The following TAF1C variants were observed in gnomAD, a reference collection of about 807,000 sequenced individuals.
TAF1C encodes TATA box-binding protein-associated factor RNA polymerase I subunit C.
Under a neutral mutation model 70.5 loss-of-function variants are expected in TAF1C, and 79 were observed. The observed-to-expected ratio is 1.12, with a 90% CI of 0.93 to 1.35. The LOEUF (loss-of-function observed/expected upper bound fraction) is 1.35. Among genes scored for constraint, TAF1C ranks in the 40% most tolerant of loss-of-function variants. TAF1C has a pLI of 0.00. For missense variants in TAF1C, 1,412 were observed against 1,127.8 expected (o/e 1.25, Z -3.61); for synonymous variants, 614 against 491.1 (o/e 1.25, Z -3.31).
intron 12 of TAF1C, 166 bp downstream of exon 12, chr16:84,180,876 AC>A: frequency 7.0e-7 from 1 of 1,422,552 alleles, no homozygotes. Flanking sequence ...GCCTGTTAGC[AC>A]CGACTGTGGG....
chr16:84,182,302 C>A lies in TAF1C; in HGVS notation c.621G>T (p.Leu207=), dbSNP rs766131558. Residue 207 remains leucine (L), a synonymous_variant, in exon 7 of 15, where the codon CTG becomes CTT. Coordinates refer to ENST00000566732, the MANE Select transcript of TAF1C (RefSeq NM_001243156.2). The surrounding 1 kb of genome is among the most constrained non-coding windows in gnomAD (Gnocchi z 5.0). ...GCGCGCCCCCAGTGCAGGCCTCATC[C>A]AGAAGCAGCTGCTCCCACCGCAGCA... ...ELVLRWEQLL[L]DEACTGGALA... 1.2e-6 allele frequency: 2 copies of A among 1,612,852 alleles called. No individual in the cohort carries two copies. Among genetic ancestry groups the A allele is most frequent in the South Asian group, 2.2e-5 (2 of 91,064 alleles).
Position 84,178,884 on chromosome 16 carries a change from G to A in TAF1C, c.*57C>T, listed in dbSNP as rs1415191037. On this transcript the variant is annotated 3_prime_UTR_variant, in exon 15 of 15. Coordinates refer to ENST00000566732, the MANE Select transcript of TAF1C (RefSeq NM_001243156.2). ...GTTTCAACTGTGGAAGGCACATCTG[G>A]TCCCAGAGGAAGGATGAGGGGCTCT... 2.5e-5 allele frequency: 38 copies of A among 1,502,990 alleles called. No individual in the cohort carries two copies. The highest frequency in any genetic ancestry group is 3.1e-5 in the Non-Finnish European group (35 of 1,125,036). 93.1% of individuals were successfully genotyped at this position (1,502,990 alleles called of 1,614,324 possible).
Position 84,179,828 on chromosome 16 carries a change from A to G in TAF1C, c.1645T>C (p.Leu549=), listed in dbSNP as rs2230129. Reference sequence around the variant, plus strand: ...AGGCCTGGTGTGGGCGCTGAGGGCAAGGGCGGGACGACGGCAGCCAGACCT... The same window carrying G: ...AGGCCTGGTGTGGGCGCTGAGGGCAGGGGCGGGACGACGGCAGCCAGACCT... ...TIGLAAVVPP[L]PSAPTPGLVL... The change falls in exon 15 of 15, where the codon TTG becomes CTG. Residue 549 remains leucine (L), a synonymous_variant. Transcript: ENST00000566732. The G allele has an allele frequency of 1.9e-6, 3 of 1,606,802 alleles. No homozygotes were observed. The highest frequency in any genetic ancestry group is 1.1e-5 in the South Asian group (1 of 90,838).
At chr16:84,183,921 C>A in intron 2 of TAF1C, 143 bp from the exon 3 acceptor site, 1 of 618,224 alleles carries the variant, frequency 1.6e-6, no homozygotes, top group East Asian at 2.9e-5. Context: ...TGTCATTTTA[C>A]TGCTGAAGAA....
rs774406020 is a variant in TAF1C, at chr16:84,181,873, G to A, written c.839-10C>T. 8.1e-6 allele frequency: 13 copies of A among 1,614,194 alleles called. No individual in the cohort carries two copies. Among genetic ancestry groups the A allele is most frequent in the Middle Eastern group, 1.6e-4 (1 of 6,062 alleles). ...CGGACGGCCAGCAGAGCTGAGGAGGGATGGAAAGGGCCAGGGGTCAGGTAG... is the reference window on the plus strand; with the variant it reads ...CGGACGGCCAGCAGAGCTGAGGAGGAATGGAAAGGGCCAGGGGTCAGGTAG... On this transcript the variant is annotated splice_polypyrimidine_tract_variant and intron_variant, in intron 8 of 14. Transcript: ENST00000566732.
chr16:84,180,434 G>C (rs1168732651), intron 12 of TAF1C, 90 bp from the exon 13 acceptor site: 2 of 1,331,906 alleles, frequency 1.5e-6, no homozygotes, highest in Non-Finnish European at 2.0e-6. Context: ...CTCCAGGTGA[G>C]TGCAGAGCCC....
Position 84,179,153 on chromosome 16 carries a change from G to C in TAF1C, c.2320C>G (p.Pro774Ala), listed in dbSNP as rs757737958. The C allele has an allele frequency of 6.2e-7, 1 of 1,606,520 alleles. No homozygotes were observed. ...GGGACGCCCTGGGCGCATGCATCCG[G>C]AGTCAACTCCTGGGAGGGCGGGGTC... is the stretch of plus-strand genomic sequence containing the variant. The part of the protein sequence containing the change: ...PTTPPSQELT[P>A]DACAQGVPSE... The change falls in exon 15 of 15, where the codon CCG becomes GCG. Residue 774 changes from proline (P) to alanine (A), a missense_variant. Pro to Ala is a conservative substitution (Grantham distance 27, BLOSUM62 -1). Coordinates refer to ENST00000566732, the MANE Select transcript of TAF1C (RefSeq NM_001243156.2).
rs142759731 is a variant in TAF1C, at chr16:84,183,698, G to A, written c.219C>T (p.Ile73=). ...PGPLPMLPPL[I]DPWDPGLTAR... is the part of the protein sequence containing the mutation. ...AGCCCGGGGGAATGAGACCCTTACCGATGAGGGGAGGCAGCATGGGGAGAG... is the reference window on the plus strand; with the variant it reads ...AGCCCGGGGGAATGAGACCCTTACCAATGAGGGGAGGCAGCATGGGGAGAG... The change falls in exon 3 of 15, where the codon ATC becomes ATT. Residue 73 remains isoleucine (I), a splice_region_variant and synonymous_variant. Coordinates refer to ENST00000566732, the MANE Select transcript of TAF1C (RefSeq NM_001243156.2). 15 of 1,611,134 alleles carry A rather than the reference G, an allele frequency of 9.3e-6. No homozygotes were observed. Among genetic ancestry groups the A allele is most frequent in the East Asian group, 8.9e-5 (4 of 44,790 alleles).
In TAF1C at chr16:84,177,943, A is replaced by G; in HGVS notation, c.*998T>C. On this transcript the variant is annotated 3_prime_UTR_variant, in exon 15 of 15. Coordinates refer to ENST00000566732, the MANE Select transcript of TAF1C (RefSeq NM_001243156.2). The stretch of plus-strand genomic sequence containing the variant: ...ACGCGAGTCAGTGTATGATTGGGCT[A>G]GCTCCTGTTTGTGTGAGTCACATGC... 1.0e-6 allele frequency: 1 copy of G among 990,444 alleles called. No individual in the cohort carries two copies. Among genetic ancestry groups the G allele is most frequent in the South Asian group, 1.3e-5 (1 of 75,168 alleles). The allele number at this position is 990,444 out of a possible 1,614,324, so 61.4% of individuals were successfully genotyped here.
intron 12 of TAF1C, 127 bp from the exon 13 acceptor site, chr16:84,180,471 C>T: frequency 1.0e-6 from 1 of 961,720 alleles, no homozygotes; most frequent in Non-Finnish European, 1.5e-6. Context: ...CTCCCATCAG[C>T]CTCCACGTGC....
chr16:84,177,950 G>T lies in TAF1C; in HGVS notation c.*991C>A. ...TCAGTGTATGATTGGGCTAGCTCCTGTTTGTGTGAGTCACATGCAATTCCT... is the reference window on the plus strand; with the variant it reads ...TCAGTGTATGATTGGGCTAGCTCCTTTTTGTGTGAGTCACATGCAATTCCT... On this transcript the variant is annotated 3_prime_UTR_variant, in exon 15 of 15. Transcript: ENST00000566732. 1.1e-6 allele frequency: 1 copy of T among 899,886 alleles called. No homozygotes were observed. The highest frequency in any genetic ancestry group is 1.6e-5 in the African/African-American group (1 of 60,832). The allele number at this position is 899,886 out of a possible 1,614,324, so 55.7% of individuals were successfully genotyped here. A position where few individuals can be genotyped will look rare whatever the true frequency, so the allele number is the denominator to read the frequency against.
chr16:84,182,288 G>A lies in TAF1C; in HGVS notation c.635C>T (p.Thr212Ile), dbSNP rs761919462. The A allele has an allele frequency of 1.2e-6, 2 of 1,613,024 alleles. No individual in the cohort carries two copies. Among genetic ancestry groups the A allele is most frequent in the East Asian group, 2.2e-5 (1 of 44,878 alleles). The part of the protein sequence containing the change: ...WEQLLLDEAC[T>I]GGALAWVPGR... ...AGGAACCCAGGCCAGCGCGCCCCCAGTGCAGGCCTCATCCAGAAGCAGCTG... is the reference window on the plus strand; with the variant it reads ...AGGAACCCAGGCCAGCGCGCCCCCAATGCAGGCCTCATCCAGAAGCAGCTG... Residue 212 changes from threonine to isoleucine, a missense_variant, in exon 7 of 15, where the codon ACT (threonine) becomes ATT (isoleucine). By Grantham distance (89) the Thr-to-Ile change is moderately conservative. Transcript: ENST00000566732. The surrounding 1 kb of genome is among the most constrained non-coding windows in gnomAD (Gnocchi z 5.0).
In TAF1C at chr16:84,183,820, C is replaced by T. The variant is rs200987146; in HGVS notation, c.139-42G>A. On this transcript the variant is annotated intron_variant, in intron 2 of 14. Coordinates refer to ENST00000566732, the MANE Select transcript of TAF1C (RefSeq NM_001243156.2). ...CGCAAGGACAGTATCATGATGAATG[C>T]CCTCCCTGGGCCAGGCTGTGCACAG... The T allele has an allele frequency of 1.2e-4, 181 of 1,502,974 alleles. No homozygotes were observed. In the East Asian group the frequency reaches 3.9e-3, roughly 32 times the overall value. The allele number at this position is 1,502,974 out of a possible 1,614,324, so 93.1% of individuals were successfully genotyped here.
chr16:84,182,070 A>C lies in TAF1C; in HGVS notation c.722-12T>G. The stretch of plus-strand genomic sequence containing the variant: ...GACCTCTTGGAAATCTGGGCCTCTC[A>C]CTAAGGATCAGTGCACGAGCTATGA... On this transcript the variant is annotated splice_polypyrimidine_tract_variant and intron_variant, in intron 7 of 14. Coordinates refer to ENST00000566732, the MANE Select transcript of TAF1C (RefSeq NM_001243156.2). The surrounding 1 kb of genome is among the most constrained non-coding windows in gnomAD (Gnocchi z 5.0). 6.2e-7 allele frequency: 1 copy of C among 1,612,272 alleles called. No homozygotes were observed. The highest frequency in any genetic ancestry group is 8.5e-7 in the Non-Finnish European group (1 of 1,179,398).
Position 84,180,224 on chromosome 16 carries a change from G to C in TAF1C, c.1429C>G (p.Gln477Glu). The stretch of plus-strand genomic sequence containing the variant: ...CCCTGGCCTCCGAGGAGCAGGGGCT[G>C]CACGCAGCTGGGCCGGGGCGGAGGC... ...LLPPPRPSCV[Q>E]PLLLGGQGGQ... The change falls in exon 13 of 15, where the codon CAG (glutamine) becomes GAG (glutamate). Residue 477 changes from glutamine to glutamate, a missense_variant. Physicochemically the swap from Gln to Glu is conservative, Grantham distance 29. Transcript: ENST00000566732. 1 of 1,540,552 alleles carries C rather than the reference G, an allele frequency of 6.5e-7. No homozygotes were observed. Among genetic ancestry groups the C allele is most frequent in the Non-Finnish European group, 8.7e-7 (1 of 1,148,776 alleles).
rs111530580 is a variant in TAF1C at position 84,183,809 on chromosome 16, C to T, written c.139-31G>A. The T allele has an allele frequency of 8.5e-5, 133 of 1,557,700 alleles. No individual in the cohort carries two copies. The African/African-American group carries it at 1.5e-3, about 18-fold the overall frequency. ...GGGAGGACAATCGCAAGGACAGTAT[C>T]ATGATGAATGCCCTCCCTGGGCCAG... On this transcript the variant is annotated intron_variant, in intron 2 of 14. Transcript: ENST00000566732.
rs2089409643 is a variant in TAF1C, at chr16:84,185,065, G to C, written c.-72-5C>G. The C allele has an allele frequency of 1.3e-6, 2 of 1,527,722 alleles. No individual in the cohort carries two copies. Among genetic ancestry groups the C allele is most frequent in the Non-Finnish European group, 1.8e-6 (2 of 1,133,636 alleles). 94.6% of individuals were successfully genotyped at this position (1,527,722 alleles called of 1,614,324 possible). On this transcript the variant is annotated splice_polypyrimidine_tract_variant and splice_region_variant and intron_variant, in intron 1 of 14. Transcript: ENST00000566732. ...TGGTAAGGGGCGCCAGAGTTCCTGA[G>C]GAGTGAAAAGTGCACTACGGGAAGC...
chr16:84,180,890 C>T, intron 12 of TAF1C, 153 bp downstream of exon 12: 1 of 1,431,550 alleles, frequency 7.0e-7, no homozygotes, highest in Non-Finnish European at 9.2e-7. Context: ...ACTGTGGGAT[C>T]CACTGCGTGT....
chr16:84,181,797 GTT>G lies in TAF1C; in HGVS notation c.903_904del (p.Thr302ProfsTer39), dbSNP rs779918252. The G allele has an allele frequency of 3.1e-6, 5 of 1,614,148 alleles. No homozygotes were observed. Among genetic ancestry groups the G allele is most frequent in the Non-Finnish European group, 4.2e-6 (5 of 1,180,018 alleles). Reference sequence around the variant, plus strand: ...CTCCACCTGCATTGCCTGCAGAAGGGTTGGCTGCCACTGTTTACCAAACTTCC... The same window carrying G: ...CTCCACCTGCATTGCCTGCAGAAGGGGGCTGCCACTGTTTACCAAACTTCC... On this transcript the variant is annotated frameshift_variant, in exon 9 of 15. Transcript: ENST00000566732. LOFTEE classifies it high-confidence loss of function.
Sources: gnomAD v4.1 joint callset for allele counts on GRCh38, gnomAD v4.1.1 for gene constraint, Gnocchi (gnomAD v3.1) non-coding constraint, MANE v1.5 for transcripts, NCBI Gene and HGNC (gene_info 2026-07-23, HGNC 2026-07-21) for gene names.